Variants in ZNF254 observed in about 807,000 individuals in gnomAD.
ZNF254 encodes CTD-2017D11.1.
A neutral mutation model predicts 12.4 loss-of-function variants in ZNF254; 10 were observed. The ratio of observed to expected loss-of-function variants is 0.80; its 90% CI spans 0.50 to 1.36. The LOEUF is 1.36. Among genes scored for constraint, ZNF254 ranks in the 40% most tolerant of loss-of-function variants. ZNF254 has a pLI of 0.00. For missense variants in ZNF254, 996 were observed against 763.9 expected (o/e 1.30, Z -3.58); for synonymous variants, 305 against 253.4 (o/e 1.20, Z -1.93).
chr19:24,127,445 G>A lies in ZNF254; in HGVS notation c.1445G>A (p.Arg482Lys), dbSNP rs1974959417. The A allele has an allele frequency of 2.5e-6, 4 of 1,610,138 alleles. No homozygotes were observed. Among genetic ancestry groups the A allele is most frequent in the Non-Finnish European group, 2.5e-6 (3 of 1,178,392 alleles). ...IWSSTLTRHKRMHTGEKPYKC... is the reference protein window; with the variant it reads ...IWSSTLTRHKKMHTGEKPYKC... ...TCCTCAACCCTAACTAGACATAAGAGGATGCACACTGGAGAGAAACCCTAC... is the reference window on the plus strand; with the variant it reads ...TCCTCAACCCTAACTAGACATAAGAAGATGCACACTGGAGAGAAACCCTAC... Residue 482 changes from arginine to lysine, a missense_variant, in exon 4 of 4, where the codon AGG becomes AAG. Physicochemically the swap from Arg to Lys is conservative, Grantham distance 26. Transcript: ENST00000357002.
chr19:24,083,718 C>T (rs1052675526), upstream of ZNF254, among the ~76,000 whole-genome samples: 7 of 152,142 alleles, frequency 4.6e-5, no homozygotes, highest in South Asian at 2.1e-4. Context: ...GGCCAACTAA[C>T]GTAGATAAAA....
chr19:24,056,063 ATG>A (rs1275257926), intron 2 of ZNF254, among the ~76,000 whole-genome samples: 13 of 152,134 alleles, frequency 8.5e-5, no homozygotes, highest in Admixed American at 4.6e-4. Context: ...AACTGAGGGG[ATG>A]TGATTCTATT....
chr19:24,068,396 G>A (rs1317475883), intron 2 of ZNF254, among the ~76,000 whole-genome samples: 2 of 152,140 alleles, frequency 1.3e-5, no homozygotes, highest in Non-Finnish European at 2.9e-5. Context: ...TGCCTCCTGG[G>A]TTCAAGCAGT....
upstream of ZNF254, among the ~76,000 whole-genome samples, chr19:24,084,973 C>G (rs1052003865): frequency 7.0e-6 from 1 of 142,944 alleles, no homozygotes; most frequent in African/African-American, 2.6e-5. Context: ...CACTCTGTCA[C>G]CCAGGCTGGA....
At chr19:24,099,896 A>G (rs994654266) in intron 1 of ZNF254, among the ~76,000 whole-genome samples, 5 of 152,320 alleles carry the variant, frequency 3.3e-5, no homozygotes, top group African/African-American at 1.2e-4. Context: ...TTAAAAAATT[A>G]TATTTTCCAA....
intron 3 of ZNF254, chr19:24,107,018 A>C (rs890480839): frequency 1.7e-5 from 8 of 460,698 alleles, no homozygotes; most frequent in South Asian, 9.6e-5. Flanking sequence ...CATGTCTGAA[A>C]TGTGTGAGAG....
At position 24,126,966 on chromosome 19, in the gene ZNF254, C is replaced by T; in HGVS notation, c.966C>T (p.Tyr322=). ...AAATTCATACTAGAAAGAAACCCTA[C>T]AAGTGTGAAGAATGTGGCAAAGCAT... is the stretch of plus-strand genomic sequence containing the variant. ...HKKIHTRKKP[Y]KCEECGKAFI... The change falls in exon 4 of 4, where the codon TAC becomes TAT. Residue 322 remains tyrosine, a synonymous_variant. Transcript: ENST00000357002. The T allele has an allele frequency of 6.2e-7, 1 of 1,613,634 alleles. No individual in the cohort carries two copies. The highest frequency in any genetic ancestry group is 8.5e-7 in the Non-Finnish European group (1 of 1,179,782).
intron 2 of ZNF254, chr19:24,080,362 G>C (rs1971804011): frequency 6.6e-6 from 1 of 152,190 alleles, no homozygotes; most frequent in Non-Finnish European, 1.5e-5. Context: ...CTGACCACTG[G>C]AAGAGGGTTT....
intron 2 of ZNF254, among the ~76,000 whole-genome samples, chr19:24,069,261 C>T (rs1971392064): frequency 1.4e-5 from 2 of 145,994 alleles, no homozygotes. Flanking sequence ...CCACCTTGGC[C>T]TCCCAAAATG....
At chr19:24,045,917 C>A (rs960274921) in intron 1 of ZNF254, among the ~76,000 whole-genome samples, 8 of 151,856 alleles carry the variant, frequency 5.3e-5, no homozygotes, top group Non-Finnish European at 8.8e-5. Flanking sequence ...AAAAAAAATT[C>A]TAAGTTTGTT....
chr19:24,113,222 C>T (rs1041489292), intron 3 of ZNF254, among the ~76,000 whole-genome samples: 3 of 152,096 alleles, frequency 2.0e-5, no homozygotes, highest in African/African-American at 2.4e-5. Context: ...GGCAGAGACA[C>T]AACCAAAAAA....
In ZNF254 at chr19:24,127,929, G is replaced by T. The variant is rs770494112; in HGVS notation, c.1929G>T (p.Ser643=). The change falls in exon 4 of 4, where the codon TCG becomes TCT. Residue 643 remains serine (S), a synonymous_variant. Coordinates refer to ENST00000357002, the MANE Select transcript of ZNF254 (RefSeq NM_203282.4). The part of the protein sequence containing the change: ...EKFGKAFNRS[S]HLTTDKITHW... ...TTGGCAAAGCCTTTAATCGGTCCTCGCACCTCACCACAGATAAGATAACTC... is the reference window on the plus strand; with the variant it reads ...TTGGCAAAGCCTTTAATCGGTCCTCTCACCTCACCACAGATAAGATAACTC... The T allele has an allele frequency of 6.2e-7, 1 of 1,602,916 alleles. No homozygotes were observed. Among genetic ancestry groups the T allele is most frequent in the East Asian group, 2.2e-5 (1 of 44,830 alleles).
chr19:24,127,179 T>C lies in ZNF254; in HGVS notation c.1179T>C (p.Leu393=). 1 of 1,613,340 alleles carries C rather than the reference T, an allele frequency of 6.2e-7. No individual in the cohort carries two copies. The highest frequency in any genetic ancestry group is 8.5e-7 in the Non-Finnish European group (1 of 1,179,732). The change falls in exon 4 of 4, where the codon CTT becomes CTC. Residue 393 remains leucine (L), a synonymous_variant. Coordinates refer to ENST00000357002, the MANE Select transcript of ZNF254 (RefSeq NM_203282.4). ...AAGCTTTTAAGCAACTCTCAACTCTTACTACACATAAAATAATTCATGTTG... is the reference window on the plus strand; with the variant it reads ...AAGCTTTTAAGCAACTCTCAACTCTCACTACACATAAAATAATTCATGTTG... The part of the protein sequence containing the change: ...CGKAFKQLST[L]TTHKIIHVGE...
At chr19:24,049,204 ATATATATATATTTTTT>A (rs967368515) in intron 2 of ZNF254, among the ~76,000 whole-genome samples, 2 of 74,872 alleles carry the variant, frequency 2.7e-5, no homozygotes, top group African/African-American at 1.6e-4. Flanking sequence ...ATATATATAT[ATATATATATATTTTTT>A]TTTTTTTTTT....
chr19:24,087,511 G>A (rs1021661841), intron 1 of ZNF254, among the ~76,000 whole-genome samples, 174 bp downstream of exon 1: 28 of 152,260 alleles, frequency 1.8e-4, no homozygotes, highest in African/African-American at 6.7e-4. Flanking sequence ...CAGACCCCCA[G>A]GAGTCCTGTT....
intron 3 of ZNF254, among the ~76,000 whole-genome samples, chr19:24,110,901 A>C (rs1293676247): frequency 1.3e-5 from 2 of 151,824 alleles, no homozygotes; most frequent in East Asian, 3.9e-4. Context: ...CCATTTCAGT[A>C]AAACAATAGC....
intron 3 of ZNF254, among the ~76,000 whole-genome samples, chr19:24,117,527 G>C (rs190268161): frequency 2.0e-5 from 3 of 152,270 alleles, no homozygotes; most frequent in African/African-American, 7.2e-5. Context: ...GCTGTTGTGC[G>C]GTTATTTAAG....
chr19:24,125,890 C>T (rs922497802), intron 3 of ZNF254, among the ~76,000 whole-genome samples: 5 of 152,166 alleles, frequency 3.3e-5, no homozygotes, highest in Admixed American at 1.3e-4. Flanking sequence ...CGGTATTTTA[C>T]CTTTCTTTTA....
chr19:24,109,159 A>G (rs558129372), intron 3 of ZNF254, among the ~76,000 whole-genome samples: 84 of 152,334 alleles, frequency 5.5e-4, no homozygotes, highest in Admixed American at 1.5e-3. Context: ...TTTTGTGTAA[A>G]ATAACATGTA....
Sources: gnomAD v4.1 joint callset for allele counts (sites outside exome capture counted in the v4.1 genomes callset) on GRCh38, gnomAD v4.1.1 for gene constraint, MANE v1.5 for transcripts, NCBI Gene and HGNC (gene_info 2026-07-23, HGNC 2026-07-21) for gene names.